The following GAB4 variants were observed in gnomAD, a reference collection of about 807,000 sequenced individuals.
GAB4 encodes the protein GRB2-associated-binding protein 4.
GAB4 carries 26 observed loss-of-function variants against 51.3 expected under a neutral mutation model. The observed-to-expected ratio is 0.51, with a 90% CI of 0.37 to 0.70. The LOEUF (loss-of-function observed/expected upper bound fraction) is 0.70, where lower values mean the gene tolerates loss of function less well. GAB4 is among the 30% of genes least tolerant of loss of function. GAB4 has a pLI of 0.00. For synonymous variants in GAB4, 329 were observed against 291.2 expected (o/e 1.13, Z -1.32); for missense variants, 759 against 734.6 (o/e 1.03, Z -0.38).
chr22:17,005,521 C>G (rs183455538), intron 1 of GAB4, among the ~76,000 whole-genome samples: 1 of 152,182 alleles, frequency 6.6e-6, no homozygotes, highest in African/African-American at 2.4e-5. Context: ...CACATGTAAC[C>G]AAAAAAGAGC....
intron 3 of GAB4, among the ~76,000 whole-genome samples, chr22:16,978,411 C>T (rs1357936029): frequency 6.6e-6 from 1 of 152,126 alleles, no homozygotes. Context: ...CACCTCTATG[C>T]AAATAAACTA....
chr22:17,000,968 C>T (rs1462168901), intron 1 of GAB4, among the ~76,000 whole-genome samples: 1 of 152,040 alleles, frequency 6.6e-6, no homozygotes, highest in African/African-American at 2.4e-5. Flanking sequence ...ATATTGGCCT[C>T]CACTCTCTTC....
intron 1 of GAB4, among the ~76,000 whole-genome samples, chr22:16,997,812 T>A (rs1280617458): frequency 1.3e-5 from 2 of 150,646 alleles, no homozygotes; most frequent in Non-Finnish European, 3.0e-5. Context: ...CATCTTGAAT[T>A]AATTTTTGTA....
In GAB4 at chr22:16,992,042, A is replaced by G. The variant is rs1326755829; in HGVS notation, c.309T>C (p.Asp103=). The part of the protein sequence containing the change: ...TINLNLCEQL[D]VDVTLNFNKK... ...TGTTGAAGTTCAGAGTCACATCAACATCCAGCTGCTCACAGAGGTTCAGGT... is the reference window on the plus strand; with the variant it reads ...TGTTGAAGTTCAGAGTCACATCAACGTCCAGCTGCTCACAGAGGTTCAGGT... The change falls in exon 2 of 10, where the codon GAT becomes GAC. Residue 103 remains aspartate, a synonymous_variant. Coordinates refer to ENST00000400588, the MANE Select transcript of GAB4 (RefSeq NM_001037814.1). 6.2e-7 allele frequency: 1 copy of G among 1,614,222 alleles called. No individual in the cohort carries two copies. Among genetic ancestry groups the G allele is most frequent in the South Asian group, 1.1e-5 (1 of 91,088 alleles).
Position 16,963,824 on chromosome 22 carries a change from C to T in GAB4, c.1482G>A (p.Pro494=), listed in dbSNP as rs142725655. ...CACCGGAAACAGGAAATGCAGATGC[C>T]GGGTTCTGCTGTCACAAGGAGGAAA... The part of the protein sequence containing the change: ...DSGERYLFPN[P]ASAFPVSGGT... The change falls in exon 9 of 10, where the codon CCG becomes CCA. Residue 494 remains proline (P), a synonymous_variant. Transcript: ENST00000400588. 1.3e-5 allele frequency: 21 copies of T among 1,613,448 alleles called. No individual in the cohort carries two copies. Among genetic ancestry groups the T allele is most frequent in the Non-Finnish European group, 1.6e-5 (19 of 1,179,656 alleles).
chr22:16,969,482 A>T, intron 4 of GAB4: 1 of 461,994 alleles, frequency 2.2e-6, no homozygotes, highest in Middle Eastern at 5.4e-4. Flanking sequence ...GCAGGAGATG[A>T]ACTTGACTAT....
intron 3 of GAB4, among the ~76,000 whole-genome samples, chr22:16,986,975 A>G (rs2060873259): frequency 6.6e-6 from 1 of 152,222 alleles, no homozygotes; most frequent in South Asian, 2.1e-4. Context: ...CCTGGGTTCT[A>G]GTCCCGCCTC....
intron 3 of GAB4, among the ~76,000 whole-genome samples, chr22:16,983,293 T>C (rs1163866936): frequency 6.6e-6 from 1 of 152,138 alleles, no homozygotes; most frequent in East Asian, 1.9e-4. Context: ...CCACTTTCAC[T>C]CTTAACTTGT....
chr22:16,968,464 A>G, intron 4 of GAB4, 81 bp from the exon 5 acceptor site: 1 of 980,744 alleles, frequency 1.0e-6, no homozygotes, highest in South Asian at 1.3e-5. Flanking sequence ...AGTGCTGCTT[A>G]GGGTCTCGCT....
intron 1 of GAB4, among the ~76,000 whole-genome samples, chr22:17,007,342 G>A (rs189258608): frequency 2.6e-4 from 39 of 152,306 alleles, no homozygotes; most frequent in African/African-American, 9.1e-4. Context: ...AAACTACACT[G>A]CAGTGCACAC....
chr22:16,991,368 G>A (rs1301483074), intron 2 of GAB4, among the ~76,000 whole-genome samples: 4 of 150,986 alleles, frequency 2.6e-5, no homozygotes, highest in African/African-American at 9.7e-5. Context: ...TAGAGGATGA[G>A]CCTGAACAAA....
intron 1 of GAB4, among the ~76,000 whole-genome samples, chr22:16,995,678 G>A (rs530504065): frequency 1.4e-3 from 216 of 152,314 alleles, no homozygotes; most frequent in Non-Finnish European, 2.5e-3. Context: ...ACAGTGTCTG[G>A]AGTGGACTTC....
At chr22:16,996,498 C>T (rs922650153) in intron 1 of GAB4, among the ~76,000 whole-genome samples, 5 of 151,898 alleles carry the variant, frequency 3.3e-5, no homozygotes, top group African/African-American at 1.2e-4. Flanking sequence ...CCCCAAGACA[C>T]GTAATTGTCA....
In GAB4 at chr22:17,008,072, G is replaced by C; in HGVS notation, c.43C>G (p.Pro15Ala). 2 of 1,608,314 alleles carry C rather than the reference G, an allele frequency of 1.2e-6. No individual in the cohort carries two copies. The highest frequency in any genetic ancestry group is 1.3e-5 in the African/African-American group (1 of 74,942). The change falls in exon 1 of 10, where the codon CCT becomes GCT. Residue 15 changes from proline (P) to alanine (A), a missense_variant. This residue lies in a region of GAB4 where 83 missense variants were observed against 73.1 expected (regional missense o/e 1.14). Transcript: ENST00000400588. ...GACAAAGGCGCAAATGCCGGGTCAG[G>C]TGGGCACAGCTCCCGGGAGGGTGAG... is the stretch of plus-strand genomic sequence containing the variant. ...SPSPSRELCP[P>A]DPAFAPLSSW...
chr22:16,968,256 T>A, intron 5 of GAB4, 42 bp downstream of exon 5: 1 of 1,366,842 alleles, frequency 7.3e-7, no homozygotes, highest in African/African-American at 1.4e-5. Flanking sequence ...GACCTTTACC[T>A]CCCTGAGCCA....
intron 3 of GAB4, among the ~76,000 whole-genome samples, chr22:16,977,480 C>T (rs1467782264): frequency 6.6e-6 from 1 of 152,122 alleles, no homozygotes; most frequent in Non-Finnish European, 1.5e-5. Flanking sequence ...AGTTAACTAT[C>T]CTAAATATAT....
At chr22:16,977,555 G>A (rs1446941386) in intron 3 of GAB4, among the ~76,000 whole-genome samples, 3 of 152,144 alleles carry the variant, frequency 2.0e-5, no homozygotes, top group African/African-American at 7.2e-5. Context: ...AAGAGACTTA[G>A]ACTCCCACAC....
At chr22:16,991,787 T>C (rs1385694781) in intron 2 of GAB4, 86 bp downstream of exon 2, 2 of 1,157,118 alleles carry the variant, frequency 1.7e-6, no homozygotes, top group Non-Finnish European at 2.5e-6. Flanking sequence ...CTTGGCAGTG[T>C]TGGCAGCTAG....
Position 16,962,729 on chromosome 22 carries a change from C to G in GAB4, c.*4G>C. 6.2e-7 allele frequency: 1 copy of G among 1,608,340 alleles called. No homozygotes were observed. On this transcript the variant is annotated 3_prime_UTR_variant, in exon 10 of 10. Transcript: ENST00000400588. Reference sequence around the variant, plus strand: ...TGGCCCCACTCTGGTTTTGGTGGCCCGAGTCACAGCTTGGCGCCCCTGGGA... The same window carrying G: ...TGGCCCCACTCTGGTTTTGGTGGCCGGAGTCACAGCTTGGCGCCCCTGGGA...
Sources: gnomAD v4.1 joint callset for allele counts (sites outside exome capture counted in the v4.1 genomes callset) on GRCh38, gnomAD v4.1.1 for gene constraint, gnomAD v4.1.1 regional missense constraint, MANE v1.5 for transcripts, NCBI Gene and HGNC (gene_info 2026-07-23, HGNC 2026-07-21) for gene names.